Variants in HECW1 observed in about 807,000 individuals in gnomAD.
HECW1 encodes E3 ubiquitin-protein ligase HECW1.
Under a neutral mutation model 182.3 loss-of-function variants are expected in HECW1, and 61 were observed. That is an observed-to-expected ratio of 0.33 (90% CI 0.27 to 0.41). The LOEUF (loss-of-function observed/expected upper bound fraction) is 0.41, where lower values mean the gene tolerates loss of function less well. Ranked by LOEUF, HECW1 falls within the 10% of genes least tolerant of loss-of-function variation. The pLI is 1.00. For synonymous variants in HECW1, 859 were observed against 832.6 expected (o/e 1.03, Z -0.55); for missense variants, 1,739 against 2,108.9 (o/e 0.82, Z 3.44).
At chr7:43,235,644 C>T (rs1041215389) in intron 2 of HECW1, among the ~76,000 whole-genome samples, 6 of 152,196 alleles carry the variant, frequency 3.9e-5, no homozygotes. Flanking sequence ...ATGTGCAAAA[C>T]TTTCCCATAG....
intron 24 of HECW1, among the ~76,000 whole-genome samples, chr7:43,529,459 T>C (rs760283193): frequency 6.6e-6 from 1 of 151,896 alleles, no homozygotes; most frequent in Non-Finnish European, 1.5e-5. Context: ...CAAGAAAGGG[T>C]ACAATTCTAA....
chr7:43,160,962 C>A (rs534183406), intron 2 of HECW1, among the ~76,000 whole-genome samples: 164 of 152,142 alleles, frequency 1.1e-3, no homozygotes, highest in Middle Eastern at 6.8e-3. Context: ...TTTATAACAT[C>A]TCTCCATTTC....
intron 3 of HECW1, among the ~76,000 whole-genome samples, chr7:43,244,224 G>A (rs933674182): frequency 5.3e-5 from 8 of 152,232 alleles, no homozygotes; most frequent in African/African-American, 1.7e-4. Context: ...AACATTCTAT[G>A]ATGCTACTTC....
At chr7:43,300,591 C>T (rs1296692075) in intron 3 of HECW1, among the ~76,000 whole-genome samples, 1 of 152,188 alleles carries the variant, frequency 6.6e-6, no homozygotes, top group Non-Finnish European at 1.5e-5. Context: ...CTGCTTCACT[C>T]TTCATCATGG....
intron 11 of HECW1, 59 bp from the exon 12 acceptor site, chr7:43,450,769 T>C: frequency 2.8e-6 from 3 of 1,081,080 alleles, no homozygotes; most frequent in Non-Finnish European, 4.3e-6. Flanking sequence ...GTCATGCTTT[T>C]TTGATGATGT....
chr7:43,471,699 G>A (rs2078031671), intron 16 of HECW1, among the ~76,000 whole-genome samples: 1 of 152,166 alleles, frequency 6.6e-6, no homozygotes, highest in Non-Finnish European at 1.5e-5. Context: ...CCAAGTCTAA[G>A]CTGAGGGAGG....
intron 2 of HECW1, among the ~76,000 whole-genome samples, chr7:43,115,004 A>G (rs1040311807): frequency 6.6e-6 from 1 of 152,266 alleles, no homozygotes; most frequent in Admixed American, 6.5e-5. Context: ...CAAAAGAAAT[A>G]TTAAAAGGCC....
intron 2 of HECW1, among the ~76,000 whole-genome samples, chr7:43,141,151 C>A (rs1202243374): frequency 6.6e-6 from 1 of 152,190 alleles, no homozygotes; most frequent in Non-Finnish European, 1.5e-5. Context: ...GCCAGCACTG[C>A]GAGGTGACAT....
intron 2 of HECW1, among the ~76,000 whole-genome samples, chr7:43,222,760 T>C (rs1307644308): frequency 6.6e-6 from 1 of 152,186 alleles, no homozygotes; most frequent in East Asian, 1.9e-4. Flanking sequence ...ACCATGTGGA[T>C]GCCTGTTTCC....
At chr7:43,191,580 T>C (rs1167774365) in intron 2 of HECW1, among the ~76,000 whole-genome samples, 1 of 152,220 alleles carries the variant, frequency 6.6e-6, no homozygotes, top group Non-Finnish European at 1.5e-5. Context: ...ATTTTTAGCC[T>C]TTCAGGTTTC....
At chr7:43,355,979 C>T (rs71540525) in intron 5 of HECW1, among the ~76,000 whole-genome samples, 25,273 of 149,904 alleles carry the variant, frequency 0.17, 2,800 homozygotes, top group Non-Finnish European at 0.25. Flanking sequence ...CAGAGCAAGA[C>T]TCCGTTAAAA....
At chr7:43,160,358 G>C (rs956558048) in intron 2 of HECW1, among the ~76,000 whole-genome samples, 6 of 152,030 alleles carry the variant, frequency 3.9e-5, no homozygotes, top group Non-Finnish European at 5.9e-5. Context: ...CTTCACTTGT[G>C]TTGTTGTGGT....
intron 3 of HECW1, among the ~76,000 whole-genome samples, chr7:43,260,156 A>T (rs936423825): frequency 1.3e-5 from 2 of 152,238 alleles, no homozygotes; most frequent in Admixed American, 1.3e-4. Context: ...AAGGCAATGG[A>T]AAGGCATCCC....
chr7:43,175,081 T>C (rs1160287093), intron 2 of HECW1, among the ~76,000 whole-genome samples: 2 of 152,156 alleles, frequency 1.3e-5, no homozygotes, highest in Non-Finnish European at 2.9e-5. Flanking sequence ...TTTCCCAACA[T>C]TTTATTATGA....
At position 43,128,864 on chromosome 7, in the gene HECW1, G is replaced by A. The variant is rs182383931; in HGVS notation, c.-32+14473G>A. Among the ~76,000 whole-genome samples, 3 of 152,018 alleles carry A rather than the reference G, an allele frequency of 2.0e-5. No individual in the cohort carries two copies. The East Asian group carries it at 5.8e-4, about 29-fold the overall frequency. ...CAACCCTCATGGATGATTTTGAAGGGTTCAATACCTCAGTGGAGGAAGTCA... is the reference window on the plus strand; with the variant it reads ...CAACCCTCATGGATGATTTTGAAGGATTCAATACCTCAGTGGAGGAAGTCA... On this transcript the variant is annotated intron_variant, in intron 2 of 29. Coordinates refer to ENST00000395891, the MANE Select transcript of HECW1 (RefSeq NM_015052.5).
At position 43,427,725 on chromosome 7, in the gene HECW1, G is replaced by A. The variant is rs920511984; in HGVS notation, c.802-10278G>A. On this transcript the variant is annotated intron_variant, in intron 8 of 29. Transcript: ENST00000395891. ...TGTGTTCTCATCTAGGGCCTTGTCT[G>A]GTGAAAACATTGTTTCCAAGATCAT... is the stretch of plus-strand genomic sequence containing the variant. Among the ~76,000 whole-genome samples the A allele has an allele frequency of 4.6e-5, 7 of 152,228 alleles. No homozygotes were observed. In the South Asian group the frequency reaches 1.0e-3, roughly 23 times the overall value.
At chr7:43,191,902 G>A (rs1793947528) in intron 2 of HECW1, among the ~76,000 whole-genome samples, 1 of 151,918 alleles carries the variant, frequency 6.6e-6, no homozygotes, top group Non-Finnish European at 1.5e-5. Context: ...AATAATTGGT[G>A]CTCCTTTAAA....
intron 29 of HECW1, among the ~76,000 whole-genome samples, chr7:43,557,095 A>AG (rs2082053028): frequency 6.6e-6 from 1 of 151,878 alleles, no homozygotes; most frequent in Non-Finnish European, 1.5e-5. Context: ...ACCTAAAAAA[A>AG]TGTCATCTAT....
In HECW1 at chr7:43,308,074, TATA is replaced by T. The variant is rs1467659857; in HGVS notation, c.28-3685_28-3683del. Among the ~76,000 whole-genome samples the T allele has an allele frequency of 1.0e-3, 113 of 109,114 alleles. 1 individual carries two copies. The highest frequency in any genetic ancestry group is 4.1e-3 in the African/African-American group (109 of 26,444). 71.6% of individuals were successfully genotyped at this position (109,114 alleles called of 152,430 possible). On this transcript the variant is annotated intron_variant, in intron 3 of 29. Coordinates refer to ENST00000395891, the MANE Select transcript of HECW1 (RefSeq NM_015052.5). ...TATAATACAACATATAATATATAAATATAATATATTATATATTATATATGTTAT... is the reference window on the plus strand; with the variant it reads ...TATAATACAACATATAATATATAAATATATATTATATATTATATATGTTAT...
Sources: allele counts gnomAD v4.1 joint callset (sites outside exome capture counted in the v4.1 genomes callset), GRCh38; gene constraint gnomAD v4.1.1; transcripts MANE v1.5; gene names NCBI Gene and HGNC (gene_info 2026-07-23, HGNC 2026-07-21).